Variants in LOC128462377 observed in about 807,000 individuals in gnomAD.
chr16:89,388,467 C>T, the LOC128462377 span, among the ~76,000 whole-genome samples: 3 of 151,738 alleles, frequency 2.0e-5, no homozygotes, highest in Non-Finnish European at 2.9e-5. Flanking sequence ...AAAATCGACA[C>T]GGAATAGAAA....
At chr16:89,339,384 G>C in the LOC128462377 span, among the ~76,000 whole-genome samples, 7 of 151,766 alleles carry the variant, frequency 4.6e-5, no homozygotes, top group Non-Finnish European at 8.8e-5. Context: ...AACAAACAAA[G>C]AGAAACCAAG....
chr16:89,373,849 T>C, the LOC128462377 span, among the ~76,000 whole-genome samples: 1 of 152,198 alleles, frequency 6.6e-6, no homozygotes, highest in South Asian at 2.1e-4. Context: ...TTCTTACTTT[T>C]AGTTAGAGCT....
the LOC128462377 span, among the ~76,000 whole-genome samples, chr16:89,416,578 G>A: frequency 6.6e-6 from 1 of 152,108 alleles, no homozygotes; most frequent in Admixed American, 6.5e-5. Context: ...GATTACAGGC[G>A]TGAGCCACTG....
At chr16:89,385,408 C>T in the LOC128462377 span, among the ~76,000 whole-genome samples, 3 of 152,164 alleles carry the variant, frequency 2.0e-5, no homozygotes, top group African/African-American at 7.2e-5. Context: ...GGATTACAGG[C>T]GTGAGCCACC....
At chr16:89,403,467 C>T in the LOC128462377 span, among the ~76,000 whole-genome samples, 2 of 152,090 alleles carry the variant, frequency 1.3e-5, no homozygotes, top group Non-Finnish European at 2.9e-5. Context: ...CGAGGCCCCG[C>T]GCTCTGGGAG....
chr16:89,391,600 G>C, the LOC128462377 span, among the ~76,000 whole-genome samples: 5 of 152,278 alleles, frequency 3.3e-5, no homozygotes, highest in East Asian at 5.8e-4. Context: ...CCTACTAACT[G>C]AGCTTAGAAA....
chr16:89,404,617 CAGG>C, the LOC128462377 span, among the ~76,000 whole-genome samples: 31 of 152,224 alleles, frequency 2.0e-4, no homozygotes, highest in Admixed American at 3.3e-4. Context: ...ATGCCTAGGT[CAGG>C]AGAAGACAGA....
At chr16:89,353,114 C>G in the LOC128462377 span, among the ~76,000 whole-genome samples, 184 of 152,234 alleles carry the variant, frequency 1.2e-3, no homozygotes, top group Middle Eastern at 3.4e-3. Context: ...GAGGCCAAGG[C>G]AGGTGGATCA....
At chr16:89,407,852 CAAAAAAAAA>C in the LOC128462377 span, among the ~76,000 whole-genome samples, 1 of 111,440 alleles carries the variant, frequency 9.0e-6, no homozygotes. Flanking sequence ...TGTCTCCCTC[CAAAAAAAAA>C]AAAAAAAAAA....
the LOC128462377 span, among the ~76,000 whole-genome samples, chr16:89,391,750 T>G: frequency 6.6e-6 from 1 of 152,194 alleles, no homozygotes; most frequent in Non-Finnish European, 1.5e-5. Context: ...CAGAGGTTCC[T>G]CTTCAAAGAC....
the LOC128462377 span, among the ~76,000 whole-genome samples, chr16:89,371,123 G>C: frequency 6.6e-6 from 1 of 152,162 alleles, no homozygotes; most frequent in Non-Finnish European, 1.5e-5. Flanking sequence ...GGGGGAAGAC[G>C]GGACGAGCGT....
At chr16:89,348,312 T>C in the LOC128462377 span, among the ~76,000 whole-genome samples, 54 of 152,320 alleles carry the variant, frequency 3.5e-4, no homozygotes, top group Middle Eastern at 3.4e-3. Context: ...GTACACTACA[T>C]TGATTTTTAA....
chr16:89,334,144 T>TAAAAAAAAAAAAAAAAAAAAAAAAAA, the LOC128462377 span, among the ~76,000 whole-genome samples: 4 of 41,416 alleles, frequency 9.7e-5, no homozygotes, highest in African/African-American at 3.8e-4. Flanking sequence ...CCCTGTGTTT[T>TAAAAAAAAAAAAAAAAAAAAAAAAAA]AAAAAAAAAA....
chr16:89,317,174 G>T, the LOC128462377 span: 3 of 879,358 alleles, frequency 3.4e-6, no homozygotes, highest in South Asian at 1.4e-5. Flanking sequence ...AACTAGTCAA[G>T]GCAGGCAGCT....
the LOC128462377 span, among the ~76,000 whole-genome samples, chr16:89,332,991 A>C: frequency 6.6e-6 from 1 of 152,208 alleles, no homozygotes; most frequent in Non-Finnish European, 1.5e-5. Flanking sequence ...CCATTTTCCC[A>C]TCCTGTGCAC....
At chr16:89,352,382 A>C in the LOC128462377 span, among the ~76,000 whole-genome samples, 1 of 151,530 alleles carries the variant, frequency 6.6e-6, no homozygotes, top group Non-Finnish European at 1.5e-5. Flanking sequence ...CAGCCCCCCA[A>C]GAAAACCAAG....
chr16:89,353,064 G>C, the LOC128462377 span, among the ~76,000 whole-genome samples: 1 of 152,176 alleles, frequency 6.6e-6, no homozygotes, highest in Non-Finnish European at 1.5e-5. Flanking sequence ...GTAGGGCTGG[G>C]CGCGGTGGCT....
chr16:89,398,206 G>C, the LOC128462377 span, among the ~76,000 whole-genome samples: 56,678 of 133,528 alleles, frequency 0.42, 10,258 homozygotes, highest in Middle Eastern at 0.61. Flanking sequence ...TGAAACAGCT[G>C]AAGATTACCT....
chr16:89,360,521 G>A, the LOC128462377 span: 4 of 152,312 alleles, frequency 2.6e-5, no homozygotes, highest in Admixed American at 6.5e-5. Flanking sequence ...ATGGATTATT[G>A]TTATGTGCAT....
Sources: allele counts gnomAD v4.1 joint callset (sites outside exome capture counted in the v4.1 genomes callset), GRCh38; gene constraint gnomAD v4.1.1; transcripts MANE v1.5.